COMMD10: variants seen among roughly 807,000 people sequenced by gnomAD.
COMMD10 encodes COMM domain containing 10.
A neutral mutation model predicts 28.9 loss-of-function variants in COMMD10; 33 were observed. The observed-to-expected ratio is 1.14, with a 90% CI of 0.87 to 1.53. COMMD10 has a LOEUF of 1.53. Ranked by LOEUF, COMMD10 falls within the 40% of genes most tolerant of loss-of-function variation. The pLI is 0.00. For missense variants in COMMD10, 310 were observed against 233.4 expected, an observed-to-expected ratio of 1.33 and a Z score of -2.14; for synonymous variants, 110 against 81.7, an observed-to-expected ratio of 1.35 and a Z score of -1.87.
intron 5 of COMMD10, among the ~76,000 whole-genome samples, chr5:116,243,885 G>A (rs1277648489): frequency 6.6e-6 from 1 of 152,096 alleles, no homozygotes; most frequent in Non-Finnish European, 1.5e-5. Context: ...CCTTAAAAAA[G>A]AGGAGCCAGA....
chr5:116,102,880 A>T (rs1172467387), intron 4 of COMMD10, among the ~76,000 whole-genome samples: 1 of 149,992 alleles, frequency 6.7e-6, no homozygotes, highest in Non-Finnish European at 1.5e-5. Context: ...ATGTGTTCTC[A>T]TTGTTCAGCA....
At chr5:116,218,004 T>G in intron 5 of COMMD10, 1 of 997,954 alleles carries the variant, frequency 1.0e-6, no homozygotes, top group Non-Finnish European at 1.6e-6. Context: ...AGTACACAGT[T>G]ATCAAAAATG....
At chr5:116,279,642 T>A (rs1438693107) in intron 5 of COMMD10, among the ~76,000 whole-genome samples, 4 of 151,886 alleles carry the variant, frequency 2.6e-5, no homozygotes, top group Non-Finnish European at 5.9e-5. Context: ...TAACTTTTTT[T>A]ATTTGTTTCA....
At chr5:116,127,738 G>A (rs938459380) in intron 4 of COMMD10, among the ~76,000 whole-genome samples, 3 of 152,192 alleles carry the variant, frequency 2.0e-5, no homozygotes, top group African/African-American at 7.2e-5. Flanking sequence ...AGAACACTTG[G>A]ACACAGGGTG....
At chr5:116,147,177 C>T (rs143941877) in intron 5 of COMMD10, among the ~76,000 whole-genome samples, 2 of 149,440 alleles carry the variant, frequency 1.3e-5, no homozygotes, top group African/African-American at 2.5e-5. Flanking sequence ...CTGCTGAAGA[C>T]AGCTGTTCGG....
chr5:116,158,869 C>G (rs949013440), intron 5 of COMMD10, among the ~76,000 whole-genome samples: 1 of 151,090 alleles, frequency 6.6e-6, no homozygotes, highest in African/African-American at 2.4e-5. Context: ...TTTTCCCCCC[C>G]TGAGGTCAGA....
chr5:116,152,987 A>G (rs1752585036), intron 5 of COMMD10, among the ~76,000 whole-genome samples: 1 of 152,046 alleles, frequency 6.6e-6, no homozygotes, highest in Non-Finnish European at 1.5e-5. Context: ...ATAGCTACCC[A>G]CTCAGGTATT....
chr5:116,259,858 T>C lies in COMMD10; in HGVS notation c.511-31659T>C, dbSNP rs570654005. On this transcript the variant is annotated intron_variant, in intron 5 of 6. Coordinates refer to ENST00000274458, the MANE Select transcript of COMMD10 (RefSeq NM_016144.4). ...ATTTGGGAGAATGTACTCCTGCTTTTGTTATTTATTGACCATGAGCTTTGA... is the reference window on the plus strand; with the variant it reads ...ATTTGGGAGAATGTACTCCTGCTTTCGTTATTTATTGACCATGAGCTTTGA... Among the ~76,000 whole-genome samples the C allele has an allele frequency of 4.8e-3, 736 of 151,784 alleles. 19 individuals carry two copies. The highest frequency in any genetic ancestry group is 0.015 in the African/African-American group (627 of 41,250).
At chr5:116,220,427 AT>A (rs78955193) in intron 5 of COMMD10, among the ~76,000 whole-genome samples, 97 of 149,518 alleles carry the variant, frequency 6.5e-4, no homozygotes, top group African/African-American at 2.2e-3. Flanking sequence ...CTTTCATTCC[AT>A]TTTTTTTTTC....
chr5:116,250,782 T>C (rs1750090353), intron 5 of COMMD10, among the ~76,000 whole-genome samples: 1 of 151,870 alleles, frequency 6.6e-6, no homozygotes, highest in South Asian at 2.1e-4. Flanking sequence ...GATACAGAGC[T>C]CAAAACAGGA....
rs536830001 is a variant in COMMD10, at chr5:116,139,576, A to G, written c.510+5398A>G. On this transcript the variant is annotated intron_variant, in intron 5 of 6. Coordinates refer to ENST00000274458, the MANE Select transcript of COMMD10 (RefSeq NM_016144.4). ...TTCACATTTTTTAGCTACTTATGTG[A>G]GTTCGTCTGCATTTTCCTTTTTTTT... is the stretch of plus-strand genomic sequence containing the variant. Among the ~76,000 whole-genome samples, 106 of 144,112 alleles carry G rather than the reference A, an allele frequency of 7.4e-4. No individual in the cohort carries two copies. In the Middle Eastern group the frequency reaches 0.01, roughly 14 times the overall value. 94.5% of individuals were successfully genotyped at this position (144,112 alleles called of 152,430 possible). A position where few individuals can be genotyped will look rare whatever the true frequency, so the allele number is the denominator to read the frequency against.
At chr5:116,101,605 T>G (rs969013077) in intron 4 of COMMD10, among the ~76,000 whole-genome samples, 1 of 151,968 alleles carries the variant, frequency 6.6e-6, no homozygotes, top group Non-Finnish European at 1.5e-5. Context: ...TTTTGTATTT[T>G]TAGTAGAGAT....
At chr5:116,165,632 G>GCA (rs201118811) in intron 5 of COMMD10, among the ~76,000 whole-genome samples, 1 of 151,916 alleles carries the variant, frequency 6.6e-6, no homozygotes, top group Non-Finnish European at 1.5e-5. Context: ...GTGTTTGTGC[G>GCA]CACACACACG....
chr5:116,148,176 T>C (rs1419634770), intron 5 of COMMD10, among the ~76,000 whole-genome samples: 2 of 151,898 alleles, frequency 1.3e-5, no homozygotes, highest in African/African-American at 4.8e-5. Flanking sequence ...GTAAATTCTG[T>C]TGGAATTCTA....
At chr5:116,178,285 C>G (rs772600263) in intron 5 of COMMD10, among the ~76,000 whole-genome samples, 2 of 152,056 alleles carry the variant, frequency 1.3e-5, no homozygotes, top group Non-Finnish European at 2.9e-5. Context: ...TGAGCCTCTA[C>G]TATGTAACAA....
intron 5 of COMMD10, among the ~76,000 whole-genome samples, chr5:116,212,451 A>G (rs918534655): frequency 1.3e-4 from 18 of 139,230 alleles, no homozygotes; most frequent in African/African-American, 4.7e-4. Flanking sequence ...TGCAAGGGGA[A>G]TGAATATCAG....
intron 4 of COMMD10, among the ~76,000 whole-genome samples, chr5:116,128,703 CAAA>C (rs1751748912): frequency 6.6e-6 from 1 of 151,856 alleles, no homozygotes; most frequent in African/African-American, 2.4e-5. Flanking sequence ...ATAGGTCTGG[CAAA>C]TAATATAAGA....
At position 116,085,270 on chromosome 5, in the gene COMMD10, G is replaced by A. The variant is rs1374499202; in HGVS notation, c.41+177G>A. The A allele has an allele frequency of 6.4e-6, 4 of 625,762 alleles. No homozygotes were observed. The East Asian group carries it at 1.2e-4, about 19-fold the overall frequency. 38.8% of individuals were successfully genotyped at this position (625,762 alleles called of 1,614,324 possible). A position where few individuals can be genotyped will look rare whatever the true frequency, so the allele number is the denominator to read the frequency against. On this transcript the variant is annotated intron_variant, in intron 1 of 6. Coordinates refer to ENST00000274458, the MANE Select transcript of COMMD10 (RefSeq NM_016144.4). ...GCGTCTGCGGAGTGCGTGGGGCCGT[G>A]TAGCGCCTCTACAGTCACGGTGGTC... is the stretch of plus-strand genomic sequence containing the variant.
At chr5:116,267,709 C>G (rs1159081195) in intron 5 of COMMD10, among the ~76,000 whole-genome samples, 1 of 151,886 alleles carries the variant, frequency 6.6e-6, no homozygotes, top group Non-Finnish European at 1.5e-5. Context: ...TACTACAAGG[C>G]TACAGTAACC....
Sources: allele counts gnomAD v4.1 joint callset (sites outside exome capture counted in the v4.1 genomes callset), GRCh38; gene constraint gnomAD v4.1.1; transcripts MANE v1.5; gene names NCBI Gene and HGNC (gene_info 2026-07-23, HGNC 2026-07-21).